Variants in FAM47E observed in about 807,000 individuals in gnomAD.
The protein encoded by FAM47E is family with sequence similarity 47 member E, also known as protein FAM47E.
FAM47E carries 32 observed loss-of-function variants against 41.6 expected under a neutral mutation model. The observed-to-expected ratio is 0.77, with a 90% CI of 0.58 to 1.03. The LOEUF (loss-of-function observed/expected upper bound fraction) is 1.03. Ranked by LOEUF, FAM47E falls within the 50% of genes least tolerant of loss-of-function variation. FAM47E has a pLI of 0.00. For missense variants in FAM47E, 424 were observed against 485.4 expected, an observed-to-expected ratio of 0.87 and a Z score of 1.19; for synonymous variants, 184 against 188.7, an observed-to-expected ratio of 0.98 and a Z score of 0.20.
At chr4:76,282,203 G>A (rs1735383524) in intron 7 of FAM47E, 1 of 152,140 alleles carries the variant, frequency 6.6e-6, no homozygotes, top group South Asian at 2.1e-4. Flanking sequence ...AACAGTAACA[G>A]TTGCCACAAA....
upstream of FAM47E, among the ~76,000 whole-genome samples, chr4:76,251,547 G>GT (rs1018730415): frequency 3.3e-5 from 5 of 152,308 alleles, no homozygotes; most frequent in African/African-American, 1.2e-4. Context: ...ACCAAGGACC[G>GT]GTACCCTCTC....
At chr4:76,254,051 G>A (rs561994155) in intron 1 of FAM47E, among the ~76,000 whole-genome samples, 5 of 150,526 alleles carry the variant, frequency 3.3e-5, no homozygotes, top group Admixed American at 2.6e-4. Context: ...GAGCCCAGGA[G>A]TTTGAGGCTG....
At chr4:76,217,677 A>T in exon 2 of FAM47E, 1 of 640,156 alleles carries the variant, frequency 1.6e-6, no homozygotes, top group Non-Finnish European at 2.8e-6. Context: ...TCTTTTCACT[A>T]CCCAATCTCA....
chr4:76,270,471 G>A (rs893317695), intron 4 of FAM47E, among the ~76,000 whole-genome samples: 4 of 152,148 alleles, frequency 2.6e-5, no homozygotes, highest in African/African-American at 9.7e-5. Context: ...TGAGAGTGAC[G>A]GACAGAGACT....
At position 76,271,676 on chromosome 4, in the gene FAM47E, CT is replaced by C. The variant is rs1455329970; in HGVS notation, c.779del (p.Leu260ArgfsTer3). 21 of 1,551,942 alleles carry C rather than the reference CT, an allele frequency of 1.4e-5. No homozygotes were observed. The East Asian group carries it at 4.9e-4, about 36-fold the overall frequency. ...CACGATGAAGCTAAATCAGGTTCCT[CT>C]GGAGCTAAAGCGTAGTGTGGGGCTC... ...LHTMKLNQVP[L>X]ELKRSVGLSK... On this transcript the variant is annotated frameshift_variant, in exon 5 of 8. Transcript: ENST00000424749. LOFTEE classifies it high-confidence loss of function.
chr4:76,251,460 A>C, upstream of FAM47E, among the ~76,000 whole-genome samples: 1 of 152,082 alleles, frequency 6.6e-6, no homozygotes. Context: ...TGATGAGCAA[A>C]AAACGCCTGA....
At chr4:76,268,439 T>C (rs1734735034) in intron 3 of FAM47E, 1 of 464,956 alleles carries the variant, frequency 2.2e-6, no homozygotes, top group Admixed American at 4.2e-5. Flanking sequence ...GTAAATGCTA[T>C]GTAAGTTTTA....
intron 2 of FAM47E, among the ~76,000 whole-genome samples, chr4:76,241,576 G>A (rs1323226852): frequency 6.6e-6 from 1 of 152,006 alleles, no homozygotes; most frequent in Non-Finnish European, 1.5e-5. Flanking sequence ...GGCTATTACT[G>A]TGCTGAAATT....
chr4:76,267,086 T>G (rs886382710), intron 3 of FAM47E, among the ~76,000 whole-genome samples: 1 of 152,266 alleles, frequency 6.6e-6, no homozygotes, highest in Non-Finnish European at 1.5e-5. Flanking sequence ...GTTTGTTTAC[T>G]ATCTGTCTCT....
At chr4:76,215,771 T>G (rs983199344) in intron 1 of FAM47E, among the ~76,000 whole-genome samples, 12 of 151,912 alleles carry the variant, frequency 7.9e-5, no homozygotes, top group African/African-American at 2.9e-4. Flanking sequence ...AAGCCCTGAG[T>G]CTGTAGGAAG....
chr4:76,283,317 G>C, intron 7 of FAM47E, 64 bp from the exon 8 acceptor site: 1 of 894,898 alleles, frequency 1.1e-6, no homozygotes, highest in South Asian at 1.5e-5. Context: ...AGTGGTTGTG[G>C]GGAGGACTGT....
chr4:76,265,132 A>G (rs759204926), intron 3 of FAM47E, among the ~76,000 whole-genome samples: 1 of 152,228 alleles, frequency 6.6e-6, no homozygotes, highest in Admixed American at 6.5e-5. Context: ...ACAAGGTGAG[A>G]GGAACTCTAG....
intron 2 of FAM47E, among the ~76,000 whole-genome samples, chr4:76,259,485 G>C (rs1056752765): frequency 1.4e-4 from 21 of 152,176 alleles, no homozygotes; most frequent in African/African-American, 5.1e-4. Context: ...GCCCCTGTTG[G>C]ATCTGGAAAT....
rs181183104 is a variant in FAM47E, at chr4:76,256,203, C to A, written c.100C>A (p.Leu34Met). The change falls in exon 2 of 8, where the codon CTG becomes ATG. Residue 34 changes from leucine (L) to methionine (M), a missense_variant. Physicochemically the swap from Leu to Met is conservative, Grantham distance 15. Transcript: ENST00000424749. ...ATGTTTCACAAAGCACAAGAACGGG[C>A]TGAAGTTCCCCACCTCTCTGCACAG... ...SRCFTKHKNG[L>M]KFPTSLHSRQ... The A allele has an allele frequency of 1.3e-6, 2 of 1,551,464 alleles. No homozygotes were observed. The highest frequency in any genetic ancestry group is 2.7e-5 in the African/African-American group (2 of 73,004).
At chr4:76,251,857 C>T in intron 1 of FAM47E, 37 bp downstream of exon 1, 1 of 1,370,632 alleles carries the variant, frequency 7.3e-7, no homozygotes, top group Non-Finnish European at 9.4e-7. Flanking sequence ...GCGCATCCCA[C>T]GCGGGCCGCG....
At chr4:76,272,578 T>C (rs1047168242) in intron 5 of FAM47E, among the ~76,000 whole-genome samples, 2 of 152,202 alleles carry the variant, frequency 1.3e-5, no homozygotes, top group Non-Finnish European at 2.9e-5. Flanking sequence ...TATCCTTTAC[T>C]CCATTGCATA....
intron 2 of FAM47E, among the ~76,000 whole-genome samples, chr4:76,235,315 C>A (rs371105477): frequency 6.6e-6 from 1 of 152,004 alleles, no homozygotes; most frequent in African/African-American, 2.4e-5. Context: ...GAGACTCCGT[C>A]TCAAAAAATA....
At chr4:76,277,268 A>G (rs1735159698) in intron 5 of FAM47E, among the ~76,000 whole-genome samples, 1 of 152,126 alleles carries the variant, frequency 6.6e-6, no homozygotes, top group South Asian at 2.1e-4. Context: ...GCGGATCACG[A>G]GGTCAGGAGA....
chr4:76,244,488 A>G (rs1053927476), intron 2 of FAM47E, among the ~76,000 whole-genome samples: 1 of 148,900 alleles, frequency 6.7e-6, no homozygotes, highest in African/African-American at 2.5e-5. Context: ...TTCTCTAATG[A>G]CCAGTGATGA....
Sources: allele counts gnomAD v4.1 joint callset (sites outside exome capture counted in the v4.1 genomes callset), GRCh38; gene constraint gnomAD v4.1.1; transcripts MANE v1.5; gene names NCBI Gene and HGNC (gene_info 2026-07-23, HGNC 2026-07-21).